The following SLC12A6 variants were observed in gnomAD, a reference collection of about 807,000 sequenced individuals.
The protein encoded by SLC12A6 is K-Cl cotransporter 3.
Under a neutral mutation model 135.3 loss-of-function variants are expected in SLC12A6, and 66 were observed. That is an observed-to-expected ratio of 0.49 (90% confidence interval 0.40 to 0.60). SLC12A6 has a LOEUF of 0.60. Among genes scored for constraint, SLC12A6 ranks in the 20% least tolerant of loss-of-function variants. The pLI, the probability that SLC12A6 is intolerant of heterozygous loss-of-function variation, is 0.00. For synonymous variants in SLC12A6, 513 were observed against 508.8 expected (o/e 1.01, Z -0.11); for missense variants, 1,058 against 1,452.3 (o/e 0.73, Z 4.41).
At chr15:34,271,347 T>C (rs1212409751) in intron 3 of SLC12A6, among the ~76,000 whole-genome samples, 3 of 151,282 alleles carry the variant, frequency 2.0e-5, no homozygotes, top group Non-Finnish European at 1.5e-5. Flanking sequence ...GGATTGTAGA[T>C]ATGTTCCTAA....
chr15:34,317,346 C>G (rs1361137131), intron 2 of SLC12A6, among the ~76,000 whole-genome samples: 1 of 152,146 alleles, frequency 6.6e-6, no homozygotes, highest in African/African-American at 2.4e-5. Context: ...GCTATTGACA[C>G]CAAGGAATTG....
chr15:34,318,504 T>C (rs1458109399), intron 2 of SLC12A6: 4 of 1,352,802 alleles, frequency 3.0e-6, no homozygotes, highest in Non-Finnish European at 3.2e-6. Context: ...GATATCCTAG[T>C]TACTTCTTTC....
At chr15:34,297,920 G>A (rs960272881) in intron 2 of SLC12A6, among the ~76,000 whole-genome samples, 13 of 151,846 alleles carry the variant, frequency 8.6e-5, no homozygotes, top group African/African-American at 3.2e-4. Flanking sequence ...AGATATATTA[G>A]AGACAGGCAG....
intron 9 of SLC12A6, among the ~76,000 whole-genome samples, chr15:34,252,610 G>C (rs372574812): frequency 6.6e-6 from 1 of 152,130 alleles, no homozygotes; most frequent in African/African-American, 2.4e-5. Flanking sequence ...CAATGTATTA[G>C]AATTTCTATG....
rs763512390 is a variant in SLC12A6, at chr15:34,254,573, C to A, written c.893G>T (p.Arg298Leu). ...IEIFLVYIVP[R>L]AAIFHSDDAL... ...GTCATCACTGTGAAAGATGGCAGCT[C>A]GGGGGACGATATAGACCTGTTAGGT... is the stretch of plus-strand genomic sequence containing the variant. Residue 298 changes from arginine (R) to leucine (L), a missense_variant, in exon 9 of 26, where the codon CGA becomes CTA. By Grantham distance (102) the Arg-to-Leu change is moderately radical. Coordinates refer to ENST00000354181, the MANE Select transcript of SLC12A6 (RefSeq NM_001365088.1). 3 of 1,608,150 alleles carry A rather than the reference C, an allele frequency of 1.9e-6. No individual in the cohort carries two copies. Among genetic ancestry groups the A allele is most frequent in the Non-Finnish European group, 2.6e-6 (3 of 1,174,764 alleles).
intron 2 of SLC12A6, among the ~76,000 whole-genome samples, chr15:34,330,247 T>C (rs1414378235): frequency 6.6e-6 from 1 of 152,200 alleles, no homozygotes; most frequent in Non-Finnish European, 1.5e-5. Context: ...CCCAATTATT[T>C]GTTGAAGAAT....
At chr15:34,277,808 G>A (rs998944371) in intron 2 of SLC12A6, among the ~76,000 whole-genome samples, 1 of 152,094 alleles carries the variant, frequency 6.6e-6, no homozygotes, top group Non-Finnish European at 1.5e-5. Context: ...AGGTGTGCAG[G>A]AACAGAAAAG....
intron 2 of SLC12A6, among the ~76,000 whole-genome samples, chr15:34,326,857 G>GTT (rs1889497572): frequency 3.3e-5 from 3 of 92,094 alleles, no homozygotes; most frequent in African/African-American, 1.9e-4. Context: ...ACAACTGGCT[G>GTT]CTTTTTTTTT....
intron 2 of SLC12A6, among the ~76,000 whole-genome samples, chr15:34,281,990 C>CA (rs141116147): frequency 0.028 from 4,156 of 149,114 alleles, 187 homozygotes; most frequent in African/African-American, 0.096. Context: ...CTACATATGC[C>CA]AAAAAAAAAT....
chr15:34,337,149 C>T (rs972906589), intron 1 of SLC12A6, 183 bp downstream of exon 1: 3 of 261,820 alleles, frequency 1.1e-5, no homozygotes, highest in African/African-American at 4.6e-5. Flanking sequence ...CTTTATCAGG[C>T]GACTATAGCG....
Position 34,235,235 on chromosome 15 carries a change from G to A in SLC12A6, c.3307C>T (p.Leu1103=), listed in dbSNP as rs1334182267. The change falls in exon 25 of 26, where the codon CTG becomes TTG. Residue 1103 remains leucine, a synonymous_variant. Transcript: ENST00000354181. ...GGCCCTGGCATATTCAATAAAACCA[G>A]CTTTGCTTCATGGGACTTGTTAACT... ...VIVNKSHEAK[L]VLLNMPGPPR... is the part of the protein sequence containing the mutation. 6.8e-6 allele frequency: 11 copies of A among 1,613,668 alleles called. No homozygotes were observed. Among genetic ancestry groups the A allele is most frequent in the South Asian group, 1.1e-5 (1 of 91,082 alleles).
At chr15:34,318,738 C>G in intron 2 of SLC12A6, 3 of 1,608,980 alleles carry the variant, frequency 1.9e-6, no homozygotes, top group Non-Finnish European at 2.5e-6. Context: ...AGTTAGTTTT[C>G]CCTGCCTACC....
intron 2 of SLC12A6, among the ~76,000 whole-genome samples, chr15:34,335,356 T>C (rs747600403): frequency 6.6e-6 from 1 of 152,244 alleles, no homozygotes. Flanking sequence ...TCTGGTTTCC[T>C]GAACCCTTTA....
At chr15:34,336,354 A>C in intron 2 of SLC12A6, 56 bp downstream of exon 2, 4 of 1,349,802 alleles carry the variant, frequency 3.0e-6, no homozygotes, top group African/African-American at 1.4e-5. Flanking sequence ...ATAGATGGTC[A>C]TCTTGGATAA....
rs1027947844 is a variant in SLC12A6, at chr15:34,254,420, G to A, written c.1046C>T (p.Ala349Val). The A allele has an allele frequency of 6.2e-7, 1 of 1,613,264 alleles. No individual in the cohort carries two copies. Among genetic ancestry groups the A allele is most frequent in the Admixed American group, 1.7e-5 (1 of 59,998 alleles). Residue 349 changes from alanine to valine, a missense_variant, in exon 9 of 26, where the codon GCC becomes GTC. By Grantham distance (64) the Ala-to-Val change is moderately conservative. This residue lies in a region of SLC12A6 where 297 missense variants were observed against 318.5 expected (regional missense o/e 0.93). Transcript: ENST00000354181. ...GGCCAAGATGGACACAATGACACAGGCCAGGAAAAGTGAGGCAAACTTGTT... is the reference window on the plus strand; with the variant it reads ...GGCCAAGATGGACACAATGACACAGACCAGGAAAAGTGAGGCAAACTTGTT... ...YVNKFASLFL[A>V]CVIVSILAIY...
At chr15:34,318,520 A>T in intron 2 of SLC12A6, 1 of 1,525,358 alleles carries the variant, frequency 6.6e-7, no homozygotes, top group East Asian at 2.2e-5. Flanking sequence ...CTTTCATGAA[A>T]CATTTTATAG....
At chr15:34,313,371 C>A (rs915561953) in intron 2 of SLC12A6, among the ~76,000 whole-genome samples, 2 of 152,182 alleles carry the variant, frequency 1.3e-5, no homozygotes, top group Non-Finnish European at 2.9e-5. Context: ...CCACAACATT[C>A]CAATATGCAA....
intron 2 of SLC12A6, among the ~76,000 whole-genome samples, chr15:34,300,577 A>G (rs960157708): frequency 6.6e-6 from 1 of 151,966 alleles, no homozygotes; most frequent in African/African-American, 2.4e-5. Context: ...CAAGAGGATC[A>G]CTTGAGCCCA....
intron 3 of SLC12A6, among the ~76,000 whole-genome samples, chr15:34,267,080 C>G (rs1462413726): frequency 6.6e-6 from 1 of 151,842 alleles, no homozygotes; most frequent in East Asian, 1.9e-4. Context: ...CAGCAATTAC[C>G]CTTGAAATTT....
Sources: allele counts gnomAD v4.1 joint callset (sites outside exome capture counted in the v4.1 genomes callset), GRCh38; gene constraint gnomAD v4.1.1; regional missense constraint gnomAD v4.1.1; transcripts MANE v1.5; gene names NCBI Gene and HGNC (gene_info 2026-07-23, HGNC 2026-07-21).